Variants in GRB14 observed in about 807,000 individuals in gnomAD.
GRB14 encodes growth factor receptor bound protein 14.
In GRB14, 38 loss-of-function variants were observed where a neutral mutation model predicts 69.1. The ratio of observed to expected loss-of-function variants is 0.55; its 90% confidence interval spans 0.42 to 0.72. The LOEUF is 0.72. GRB14 is among the 30% of genes least tolerant of loss of function. The probability of loss-of-function intolerance (pLI) is 0.00; values close to 1 mark genes in which losing one functional copy is unlikely to be tolerated. For missense variants in GRB14, 666 were observed against 666.1 expected (o/e 1.00, Z 0.00); for synonymous variants, 247 against 241.3 (o/e 1.02, Z -0.22).
intron 2 of GRB14, among the ~76,000 whole-genome samples, chr2:164,616,424 T>TA (rs1690297925): frequency 2.2e-5 from 1 of 44,560 alleles, no homozygotes; most frequent in African/African-American, 9.7e-5. Flanking sequence ...AGACTCCGTC[T>TA]CAAAAAAAAA....
At chr2:164,596,881 A>T (rs191364776) in intron 2 of GRB14, among the ~76,000 whole-genome samples, 1 of 152,152 alleles carries the variant, frequency 6.6e-6, no homozygotes, top group Non-Finnish European at 1.5e-5. Context: ...AAAGAACTAT[A>T]GTTCATTTGT....
At chr2:164,515,601 C>T (rs914699060) in intron 6 of GRB14, among the ~76,000 whole-genome samples, 2 of 152,060 alleles carry the variant, frequency 1.3e-5, no homozygotes, top group African/African-American at 4.8e-5. Flanking sequence ...GACATAGTTA[C>T]CCAAAATGAG....
At chr2:164,496,161 A>G (rs1686888527) in intron 12 of GRB14, among the ~76,000 whole-genome samples, 1 of 152,220 alleles carries the variant, frequency 6.6e-6, no homozygotes, top group Non-Finnish European at 1.5e-5. Context: ...TTTCAGTATT[A>G]AATCACCTTG....
rs560570689 is a variant in GRB14 at position 164,589,658 on chromosome 2, C to T, written c.324+30029G>A. Among the ~76,000 whole-genome samples, 7 of 152,162 alleles carry T rather than the reference C, an allele frequency of 4.6e-5. No homozygotes were observed. In the East Asian group the frequency reaches 5.8e-4, roughly 13 times the overall value. ...AAGGGCATTAATCTATTCATGGGGACTTCAGTCCCATGGCCCAAACAGAAG... is the reference window on the plus strand; with the variant it reads ...AAGGGCATTAATCTATTCATGGGGATTTCAGTCCCATGGCCCAAACAGAAG... On this transcript the variant is annotated intron_variant, in intron 2 of 13. Transcript: ENST00000263915.
intron 2 of GRB14, chr2:164,573,790 C>T (rs1308539283): frequency 6.2e-7 from 1 of 1,612,446 alleles, no homozygotes; most frequent in East Asian, 2.2e-5. Context: ...ACCAGTGTAT[C>T]AGCATTAACA....
At chr2:164,532,118 T>C (rs1006132811) in intron 3 of GRB14, among the ~76,000 whole-genome samples, 1 of 152,196 alleles carries the variant, frequency 6.6e-6, no homozygotes, top group Non-Finnish European at 1.5e-5. Context: ...GGGATTTACA[T>C]GTCCCAACAG....
At chr2:164,598,114 TG>T (rs1689828201) in intron 2 of GRB14, among the ~76,000 whole-genome samples, 2 of 152,098 alleles carry the variant, frequency 1.3e-5, no homozygotes, top group African/African-American at 4.8e-5. Flanking sequence ...AAGCTGGTCC[TG>T]AGAGCAAGAT....
At chr2:164,620,518 G>A (rs367611575) in intron 1 of GRB14, among the ~76,000 whole-genome samples, 1 of 151,030 alleles carries the variant, frequency 6.6e-6, no homozygotes, top group Non-Finnish European at 1.5e-5. Flanking sequence ...TGAAAATCAG[G>A]AAAAAAAAAG....
At chr2:164,595,600 G>A (rs1689763362) in intron 2 of GRB14, among the ~76,000 whole-genome samples, 1 of 152,160 alleles carries the variant, frequency 6.6e-6, no homozygotes, top group African/African-American at 2.4e-5. Flanking sequence ...AAACAGTAAA[G>A]AGCTTAGGTT....
chr2:164,557,642 G>A (rs534897815), intron 2 of GRB14, among the ~76,000 whole-genome samples: 1 of 152,216 alleles, frequency 6.6e-6, no homozygotes, highest in East Asian at 1.9e-4. Context: ...AGGATTTGGT[G>A]AGGCAGTTCC....
intron 6 of GRB14, among the ~76,000 whole-genome samples, chr2:164,514,545 G>A (rs1687429375): frequency 6.6e-6 from 1 of 152,160 alleles, no homozygotes. Context: ...GAGCCTGTGG[G>A]CACTCTCGGT....
At chr2:164,587,038 ATAGT>A (rs886704317) in intron 2 of GRB14, among the ~76,000 whole-genome samples, 3 of 152,212 alleles carry the variant, frequency 2.0e-5, no homozygotes, top group African/African-American at 4.8e-5. Flanking sequence ...CAGAGCAGAA[ATAGT>A]TATTTTTTAA....
At chr2:164,494,824 G>A (rs530669805) in intron 12 of GRB14, among the ~76,000 whole-genome samples, 32 of 152,234 alleles carry the variant, frequency 2.1e-4, no homozygotes, top group African/African-American at 7.5e-4. Flanking sequence ...TTGGTGCTAC[G>A]TTCTCTTTGC....
In GRB14 at chr2:164,510,390, C is replaced by T. The variant is rs144942471; in HGVS notation, c.817-1538G>A. Among the ~76,000 whole-genome samples the T allele has an allele frequency of 7.4e-3, 1,126 of 152,136 alleles. 6 individuals are homozygous for T. Among genetic ancestry groups the T allele is most frequent in the Non-Finnish European group, 0.01 (697 of 67,996 alleles). On this transcript the variant is annotated intron_variant, in intron 6 of 13. Coordinates refer to ENST00000263915, the MANE Select transcript of GRB14 (RefSeq NM_004490.3). ...AAGTATGTGTACATTTGTACATTTC[C>T]CCATGTGTACGGACATGGGGAGGTG...
At chr2:164,611,523 C>T (rs769358170) in intron 2 of GRB14, among the ~76,000 whole-genome samples, 61 of 151,376 alleles carry the variant, frequency 4.0e-4, no homozygotes, top group South Asian at 8.4e-4. Context: ...TCAGAGGTTA[C>T]GACCACCCCG....
chr2:164,570,125 A>C (rs1689091014), intron 2 of GRB14, among the ~76,000 whole-genome samples: 1 of 151,920 alleles, frequency 6.6e-6, no homozygotes, highest in Admixed American at 6.6e-5. Flanking sequence ...AATACAAAAA[A>C]TTAGCCAGGC....
rs946122429 is a variant in GRB14, at chr2:164,621,466, G to A, written c.-157C>T. ...CTCGGGGCCCCGGCGGCTGAGACGC[G>A]CGGCCGAGCTATCTGCGAGGCGGCG... On this transcript the variant is annotated 5_prime_UTR_variant, in exon 1 of 14. Coordinates refer to ENST00000263915, the MANE Select transcript of GRB14 (RefSeq NM_004490.3). The surrounding 1 kb of genome is among the most constrained non-coding windows in gnomAD (Gnocchi z 6.0). The A allele has an allele frequency of 1.6e-5, 7 of 429,628 alleles. No homozygotes were observed. The highest frequency in any genetic ancestry group is 6.2e-4 in the Middle Eastern group (1 of 1,622). 26.6% of individuals were successfully genotyped at this position (429,628 alleles called of 1,614,324 possible).
chr2:164,558,056 G>A (rs141468816), intron 2 of GRB14, among the ~76,000 whole-genome samples: 43 of 152,244 alleles, frequency 2.8e-4, no homozygotes, highest in Admixed American at 5.2e-4. Flanking sequence ...CACTGCAGCA[G>A]CATGCCGCAT....
At chr2:164,493,400 C>T (rs1045837409) in intron 13 of GRB14, among the ~76,000 whole-genome samples, 2 of 151,636 alleles carry the variant, frequency 1.3e-5, no homozygotes, top group African/African-American at 4.8e-5. Flanking sequence ...TACTCTACTT[C>T]ATCTAGTTCT....
Sources: allele counts gnomAD v4.1 joint callset (sites outside exome capture counted in the v4.1 genomes callset), GRCh38; gene constraint gnomAD v4.1.1; non-coding constraint Gnocchi (gnomAD v3.1); transcripts MANE v1.5; gene names NCBI Gene and HGNC (gene_info 2026-07-23, HGNC 2026-07-21).